The following TSEN34 variants were observed in gnomAD, a reference collection of about 807,000 sequenced individuals.
TSEN34 encodes tRNA splicing endonuclease subunit 34, also known as tRNA-splicing endonuclease subunit Sen34.
A neutral mutation model predicts 30.2 loss-of-function variants in TSEN34; 25 were observed. The observed-to-expected ratio is 0.83, with a 90% CI of 0.60 to 1.16. The LOEUF is 1.16. Among genes scored for constraint, TSEN34 ranks in the 50% most tolerant of loss-of-function variants. The probability of loss-of-function intolerance (pLI) is 0.00; values close to 1 mark genes in which losing one functional copy is unlikely to be tolerated. For missense variants in TSEN34, 475 were observed against 411.9 expected (o/e 1.15, Z -1.33); for synonymous variants, 209 against 177.4 (o/e 1.18, Z -1.41).
upstream of TSEN34, chr19:54,190,410 T>A: frequency 6.8e-7 from 1 of 1,468,970 alleles, no homozygotes. Flanking sequence ...TGGGACATTC[T>A]GAAGGGAGGC....
rs1394840754 is a variant in TSEN34 at position 54,191,781 on chromosome 19, G to A, written c.304G>A (p.Ala102Thr). 3.7e-6 allele frequency: 6 copies of A among 1,614,104 alleles called. No individual in the cohort carries two copies. In the African/African-American group the frequency reaches 5.3e-5, roughly 14 times the overall value. Residue 102 changes from alanine (A) to threonine (T), a missense_variant, in exon 2 of 4, where the codon GCT becomes ACT. Physicochemically the swap from Ala to Thr is moderately conservative, Grantham distance 58. Coordinates refer to ENST00000396388, the MANE Select transcript of TSEN34 (RefSeq NM_001077446.4). Reference protein sequence around the residue: ...ESFQEQSALAAEARETRRQEL... With the variant: ...ESFQEQSALATEARETRRQEL... ...CTTCCAGGAGCAGAGCGCCTTGGCAGCTGAGGCCCGGGAGACCCGTCGTCA... is the reference window on the plus strand; with the variant it reads ...CTTCCAGGAGCAGAGCGCCTTGGCAACTGAGGCCCGGGAGACCCGTCGTCA...
At chr19:54,190,156 G>A (rs1204763699), upstream of TSEN34, 2 of 572,962 alleles carry the variant, frequency 3.5e-6, no homozygotes, top group African/African-American at 2.0e-5. Flanking sequence ...GGAAGCGGCA[G>A]AGGGAGGTGC....
rs900729631 is a variant in TSEN34 at position 54,194,282 on chromosome 19, C to T, written c.*920C>T. 5.3e-5 allele frequency: 8 copies of T among 151,660 alleles called. No homozygotes were observed. Among genetic ancestry groups the T allele is most frequent in the African/African-American group, 1.7e-4 (7 of 41,210 alleles). 9.4% of individuals were successfully genotyped at this position (151,660 alleles called of 1,614,324 possible). ...TATTGTAATTTTAGGAGTTCAGAGC[C>T]TGGGGAGAAAGGAAGGACTCTGGAA... On this transcript the variant is annotated 3_prime_UTR_variant, in exon 4 of 4. Coordinates refer to ENST00000396388, the MANE Select transcript of TSEN34 (RefSeq NM_001077446.4).
chr19:54,192,687 G>A (rs2076754818), intron 3 of TSEN34, among the ~76,000 whole-genome samples: 1 of 152,118 alleles, frequency 6.6e-6, no homozygotes, highest in South Asian at 2.1e-4. Context: ...TGATTACTGT[G>A]ATCCAGAAGA....
At chr19:54,190,742 G>A, upstream of TSEN34, 1 of 1,192,674 alleles carries the variant, frequency 8.4e-7, no homozygotes, top group Non-Finnish European at 1.0e-6. Context: ...GAGGACGCCC[G>A]AACGCCGAAC....
Position 54,192,296 on chromosome 19 carries a change from T to G in TSEN34, c.668T>G (p.Ile223Ser), listed in dbSNP as rs1367298954. Residue 223 changes from isoleucine (I) to serine (S), a missense_variant, in exon 3 of 4, where the codon ATC becomes AGC. Transcript: ENST00000396388. ...CCTGCCCACGAGCTGCGCTACAGTA[T>G]CTACAGAGACCTGTGGGAGCGAGGC... ...GRPAHELRYS[I>S]YRDLWERGFF... is the part of the protein sequence containing the mutation. 1 of 1,613,982 alleles carries G rather than the reference T, an allele frequency of 6.2e-7. No individual in the cohort carries two copies. The highest frequency in any genetic ancestry group is 1.7e-5 in the Admixed American group (1 of 59,998).
Position 54,191,600 on chromosome 19 carries a change from A to G in TSEN34, c.236A>G (p.His79Arg). 6.2e-7 allele frequency: 1 copy of G among 1,603,190 alleles called. No homozygotes were observed. Among genetic ancestry groups the G allele is most frequent in the Non-Finnish European group, 8.5e-7 (1 of 1,179,220 alleles). ...VSAPRPDSRH[H>R]SLALTSFKRQ... is the part of the protein sequence containing the mutation. ...GCCCCGCGTCCAGACTCTCGGCACC[A>G]CAGCCTGGTAAGGGGGCGGGGCTCG... The change falls in exon 1 of 4, where the codon CAC (histidine) becomes CGC (arginine). Residue 79 changes from histidine (H) to arginine (R), a missense_variant. His to Arg is a conservative substitution (Grantham distance 29). Transcript: ENST00000396388.
chr19:54,189,901 G>A, upstream of TSEN34: 1 of 246,472 alleles, frequency 4.1e-6, no homozygotes, highest in Non-Finnish European at 8.1e-6. Flanking sequence ...GTTCCGATGT[G>A]GGCGGGGCCA....
chr19:54,191,113 G>A, upstream of TSEN34: 1 of 1,336,782 alleles, frequency 7.5e-7, no homozygotes, highest in Non-Finnish European at 9.5e-7. Context: ...CTGGGGGCTT[G>A]GCGAGGGGAG....
chr19:54,190,346 C>G (rs1362609185), upstream of TSEN34: 3 of 1,529,474 alleles, frequency 2.0e-6, no homozygotes, highest in African/African-American at 2.8e-5. Flanking sequence ...GTGGCTCCAC[C>G]TCGACTGCGA....
chr19:54,193,320 TA>T lies in TSEN34; in HGVS notation c.893del (p.Lys298ArgfsTer94). On this transcript the variant is annotated frameshift_variant, in exon 4 of 4. Transcript: ENST00000396388. LOFTEE classifies it high-confidence loss of function. ...TCCTCTGTTCTCCGCAGCCTGATGGTAAGGTGGTCTACACCTCCCTGCAATG... is the reference window on the plus strand; with the variant it reads ...TCCTCTGTTCTCCGCAGCCTGATGGTAGGTGGTCTACACCTCCCTGCAATG... ...LLLCSPQPDG[K>X]VVYTSLQWAS... The T allele has an allele frequency of 6.2e-7, 1 of 1,614,114 alleles. No homozygotes were observed. Among genetic ancestry groups the T allele is most frequent in the Non-Finnish European group, 8.5e-7 (1 of 1,180,014 alleles).
rs531303192 is a variant in TSEN34, at chr19:54,194,018, A to G, written c.*656A>G. 6.1e-5 allele frequency: 16 copies of G among 262,972 alleles called. No individual in the cohort carries two copies. In the South Asian group the frequency reaches 9.5e-4, roughly 16 times the overall value. 16.3% of individuals were successfully genotyped at this position (262,972 alleles called of 1,614,324 possible). The stretch of plus-strand genomic sequence containing the variant: ...GGAGTTTGAGACCAGCTCTGGCAAC[A>G]TTGTAATACCCAGTCTCTACAAAAA... On this transcript the variant is annotated 3_prime_UTR_variant, in exon 4 of 4. Coordinates refer to ENST00000396388, the MANE Select transcript of TSEN34 (RefSeq NM_001077446.4).
At chr19:54,192,741 A>G (rs530859681) in intron 3 of TSEN34, among the ~76,000 whole-genome samples, 25 of 152,188 alleles carry the variant, frequency 1.6e-4, no homozygotes, top group Non-Finnish European at 3.4e-4. Context: ...GCAATGGCTC[A>G]CGCCTGTAAT....
rs1568856649 is a variant in TSEN34, at chr19:54,193,217, G to C, written c.788G>C (p.Trp263Ser). ...RFHAHYIAQC[W>S]APEDTIPLQD... ...CACGCCCATTATATCGCTCAGTGCT[G>C]GGCCCCTGAGGACACCATCCCACTC... Residue 263 changes from tryptophan (W) to serine (S), a missense_variant, in exon 4 of 4, where the codon TGG becomes TCG. Trp to Ser is a radical substitution (Grantham distance 177). Coordinates refer to ENST00000396388, the MANE Select transcript of TSEN34 (RefSeq NM_001077446.4). 2 of 1,613,966 alleles carry C rather than the reference G, an allele frequency of 1.2e-6. No individual in the cohort carries two copies. The highest frequency in any genetic ancestry group is 1.7e-6 in the Non-Finnish European group (2 of 1,180,004).
chr19:54,191,298 G>T (rs892959391), upstream of TSEN34: 39 of 1,545,220 alleles, frequency 2.5e-5, no homozygotes, highest in South Asian at 8.4e-5. Context: ...GGCTTTGGGT[G>T]CGCTGCAGCG....
intron 2 of TSEN34, 28 bp downstream of exon 2, chr19:54,191,992 C>A (rs1216070545): frequency 6.2e-7 from 1 of 1,614,072 alleles, no homozygotes; most frequent in Non-Finnish European, 8.5e-7. Flanking sequence ...AGTCCAGGGA[C>A]CACGGGAAGG....
At chr19:54,192,062 T>A (rs974937932) in intron 2 of TSEN34, 54 bp from the exon 3 acceptor site, 2 of 1,614,042 alleles carry the variant, frequency 1.2e-6, no homozygotes, top group African/African-American at 2.7e-5. Context: ...TCCCTGAGGG[T>A]GAGAAGACTT....
At chr19:54,191,277 G>A (rs1226030676), upstream of TSEN34, 3 of 1,531,172 alleles carry the variant, frequency 2.0e-6, no homozygotes, top group African/African-American at 1.4e-5. Flanking sequence ...GGGCTTCGCC[G>A]AGACCCCGGA....
rs570003580 is a variant in TSEN34 at position 54,193,658 on chromosome 19, A to G, written c.*296A>G. ...CAGGAGGTCTCAATAAACTTGGTAT[A>G]TAAATGTTCATGATTTGAATGTTTG... On this transcript the variant is annotated 3_prime_UTR_variant, in exon 4 of 4. Coordinates refer to ENST00000396388, the MANE Select transcript of TSEN34 (RefSeq NM_001077446.4). 2.1e-6 allele frequency: 2 copies of G among 939,630 alleles called. No homozygotes were observed. The highest frequency in any genetic ancestry group is 3.3e-5 in the African/African-American group (2 of 61,468). 58.2% of individuals were successfully genotyped at this position (939,630 alleles called of 1,614,324 possible).
Sources: allele counts gnomAD v4.1 joint callset (sites outside exome capture counted in the v4.1 genomes callset), GRCh38; gene constraint gnomAD v4.1.1; transcripts MANE v1.5; gene names NCBI Gene and HGNC (gene_info 2026-07-23, HGNC 2026-07-21).